COL6A3: variants seen among roughly 807,000 people sequenced by gnomAD.
COL6A3 encodes collagen alpha-3(VI) chain.
Under a neutral mutation model 274.1 loss-of-function variants are expected in COL6A3, and 137 were observed. The ratio of observed to expected loss-of-function variants is 0.50; its 90% CI spans 0.44 to 0.58. The LOEUF is 0.58. COL6A3 is among the 20% of genes least tolerant of loss of function. The pLI is 0.00. For synonymous variants in COL6A3, 1,650 were observed against 1,650.6 expected, an observed-to-expected ratio of 1.00 and a Z score of 0.01; for missense variants, 3,950 against 4,124.9, an observed-to-expected ratio of 0.96 and a Z score of 1.16.
intron 1 of COL6A3, 62 bp from the exon 2 acceptor site, chr2:237,396,909 T>C: frequency 8.7e-7 from 1 of 1,154,502 alleles, no homozygotes; most frequent in Non-Finnish European, 1.3e-6. Context: ...GCAAAATCTC[T>C]CAAAATCCCA....
chr2:237,394,302 A>G (rs1016008637), intron 3 of COL6A3, among the ~76,000 whole-genome samples: 2 of 152,230 alleles, frequency 1.3e-5, no homozygotes, highest in African/African-American at 2.4e-5. Flanking sequence ...TTTTCTAAGG[A>G]AGGCAGAGGT....
chr2:237,348,550 A>G, intron 29 of COL6A3, 63 bp downstream of exon 29: 1 of 1,518,556 alleles, frequency 6.6e-7, no homozygotes, highest in Non-Finnish European at 9.1e-7. Context: ...ACAACACATC[A>G]GAAGTTGTCC....
Position 237,341,268 on chromosome 2 carries a change from G to A in COL6A3, c.7766-118C>T, listed in dbSNP as rs377535052. 5.5e-5 allele frequency: 57 copies of A among 1,042,422 alleles called. 3 individuals are homozygous for A. Among genetic ancestry groups the A allele is most frequent in the East Asian group, 4.2e-4 (17 of 40,080 alleles). The allele number at this position is 1,042,422 out of a possible 1,614,324, so 64.6% of individuals were successfully genotyped here. ...GATCACATAAGATCAAAAGCGGGCC[G>A]GAAGCGGTGGCTCACGCCTGTAATC... On this transcript the variant is annotated intron_variant, in intron 37 of 43. Transcript: ENST00000295550.
In COL6A3 at chr2:237,372,040, C is replaced by T. The variant is rs1367085627; in HGVS notation, c.3977G>A (p.Arg1326Lys). Residue 1326 changes from arginine to lysine, a missense_variant, in exon 9 of 44, where the codon AGG becomes AAG. Physicochemically the swap from Arg to Lys is conservative, Grantham distance 26. Transcript: ENST00000295550. Reference protein sequence around the residue: ...LEYVSRNIFKRPLGSRIEEGV... With the variant: ...LEYVSRNIFKKPLGSRIEEGV... Reference sequence around the variant, plus strand: ...CTCTTCAATGCGGCTCCCCAGGGGCCTCTTGAAGATGTTCCTGGACACGTA... The same window carrying T: ...CTCTTCAATGCGGCTCCCCAGGGGCTTCTTGAAGATGTTCCTGGACACGTA... 6.2e-7 allele frequency: 1 copy of T among 1,614,070 alleles called. No homozygotes were observed. The highest frequency in any genetic ancestry group is 1.1e-5 in the South Asian group (1 of 91,086).
At chr2:237,399,607 C>T (rs1326051328) in intron 1 of COL6A3, among the ~76,000 whole-genome samples, 1 of 152,206 alleles carries the variant, frequency 6.6e-6, no homozygotes, top group East Asian at 1.9e-4. Flanking sequence ...GGAACAGTTA[C>T]AATATACCTT....
chr2:237,391,411 A>G (rs903793617), intron 3 of COL6A3, among the ~76,000 whole-genome samples: 1 of 152,268 alleles, frequency 6.6e-6, no homozygotes. Flanking sequence ...TGTCCATTAC[A>G]TAATGGTTAA....
At chr2:237,357,260 A>G in intron 23 of COL6A3, 78 bp downstream of exon 23, 1 of 1,227,782 alleles carries the variant, frequency 8.1e-7, no homozygotes, top group Admixed American at 1.7e-5. Flanking sequence ...TGGACTAACC[A>G]TGCACCAGGT....
At chr2:237,375,628 C>T (rs184540784) in intron 7 of COL6A3, among the ~76,000 whole-genome samples, 121 of 152,260 alleles carry the variant, frequency 7.9e-4, no homozygotes, top group Non-Finnish European at 1.5e-3. Flanking sequence ...CTGCAACCTC[C>T]GCCTCCCGGG....
chr2:237,406,129 T>C (rs1183740262), intron 1 of COL6A3, among the ~76,000 whole-genome samples: 1 of 152,156 alleles, frequency 6.6e-6, no homozygotes, highest in East Asian at 1.9e-4. Flanking sequence ...AGGATACCTT[T>C]CATCAGAAAG....
rs188480416 is a variant in COL6A3 at position 237,342,617 on chromosome 2, G to C, written c.7669-456C>G. 9.4e-5 allele frequency: 16 copies of C among 170,094 alleles called. No homozygotes were observed. The East Asian group carries it at 1.9e-3, about 20-fold the overall frequency. The allele number at this position is 170,094 out of a possible 1,614,324, so 10.5% of individuals were successfully genotyped here. A position where few individuals can be genotyped will look rare whatever the true frequency, so the allele number is the denominator to read the frequency against. ...AAATCACTCCCAGTGGGTGCAAAGAGTCCTGTCTATCGCCGTACCTGGCAC... is the reference window on the plus strand; with the variant it reads ...AAATCACTCCCAGTGGGTGCAAAGACTCCTGTCTATCGCCGTACCTGGCAC... On this transcript the variant is annotated intron_variant, in intron 36 of 43. Transcript: ENST00000295550.
chr2:237,377,400 A>G, intron 6 of COL6A3, 56 bp from the exon 7 acceptor site: 4 of 1,531,784 alleles, frequency 2.6e-6, no homozygotes, highest in Non-Finnish European at 3.6e-6. Context: ...CAGGAACCAA[A>G]GCGACTTCAG....
chr2:237,374,313 G>T lies in COL6A3; in HGVS notation c.3679+99C>A, dbSNP rs2077772353. The T allele has an allele frequency of 4.5e-6, 7 of 1,547,964 alleles. No homozygotes were observed. The highest frequency in any genetic ancestry group is 5.3e-6 in the Non-Finnish European group (6 of 1,135,264). The stretch of plus-strand genomic sequence containing the variant: ...GTAATTTTAGTTTTCACTTCACATG[G>T]CAGGAAAAGCAAAATTGAGAACACC... On this transcript the variant is annotated intron_variant, in intron 8 of 43. Transcript: ENST00000295550. The surrounding 1 kb of genome is among the most constrained non-coding windows in gnomAD (Gnocchi z 4.8).
In COL6A3 at chr2:237,376,873, G is replaced by A; in HGVS notation, c.2969C>T (p.Pro990Leu). 6.2e-7 allele frequency: 1 copy of A among 1,614,192 alleles called. No homozygotes were observed. The highest frequency in any genetic ancestry group is 1.7e-5 in the Admixed American group (1 of 60,018). The change falls in exon 7 of 44, where the codon CCA becomes CTA. Residue 990 changes from proline to leucine, a missense_variant. This residue lies in a region of COL6A3 where 1,934 missense variants were observed against 1,984.3 expected (regional missense o/e 0.97). Coordinates refer to ENST00000295550, the MANE Select transcript of COL6A3 (RefSeq NM_004369.4). ...PAELEQIVLS[P>L]AFILAAESLP... ...CGACTCTGCAGCCAGGATAAACGCT[G>A]GAGACAGCACGATCTGCTCTAACTC... is the stretch of plus-strand genomic sequence containing the variant.
rs1700369591 is a variant in COL6A3, at chr2:237,333,432, A to G, written c.9328+18T>C. The G allele has an allele frequency of 6.2e-7, 1 of 1,607,212 alleles. No individual in the cohort carries two copies. Among genetic ancestry groups the G allele is most frequent in the Non-Finnish European group, 8.5e-7 (1 of 1,173,856 alleles). Reference sequence around the variant, plus strand: ...TTTTCTTAGTGCCATTAATGGACCTAATAGTTTCACAACTCACCTGTTTCA... The same window carrying G: ...TTTTCTTAGTGCCATTAATGGACCTGATAGTTTCACAACTCACCTGTTTCA... On this transcript the variant is annotated intron_variant, in intron 42 of 43. Coordinates refer to ENST00000295550, the MANE Select transcript of COL6A3 (RefSeq NM_004369.4).
At chr2:237,401,310 T>C (rs1310503560) in intron 1 of COL6A3, among the ~76,000 whole-genome samples, 1 of 152,214 alleles carries the variant, frequency 6.6e-6, no homozygotes, top group South Asian at 2.1e-4. Context: ...TCAGCATTAT[T>C]TGTAATATCC....
Position 237,391,858 on chromosome 2 carries a change from G to A in COL6A3, c.709+2729C>T, listed in dbSNP as rs182121586. 6.6e-5 allele frequency among the ~76,000 whole-genome samples: 10 copies of A among 152,224 alleles called. No individual in the cohort carries two copies. The East Asian group carries it at 7.7e-4, about 12-fold the overall frequency. On this transcript the variant is annotated intron_variant, in intron 3 of 43. Coordinates refer to ENST00000295550, the MANE Select transcript of COL6A3 (RefSeq NM_004369.4). Reference sequence around the variant, plus strand: ...GTCTTTGTTATTATCCCGATATTCCGAAATGTGATGGATCAGGGAATTAAT... The same window carrying A: ...GTCTTTGTTATTATCCCGATATTCCAAAATGTGATGGATCAGGGAATTAAT...
At position 237,407,406 on chromosome 2, in the gene COL6A3, C is replaced by T. The variant is rs1239293599; in HGVS notation, c.-31+6547G>A. Among the ~76,000 whole-genome samples the T allele has an allele frequency of 6.6e-6, 1 of 152,162 alleles. No homozygotes were observed. Among genetic ancestry groups the T allele is most frequent in the African/African-American group, 2.4e-5 (1 of 41,430 alleles). On this transcript the variant is annotated intron_variant, in intron 1 of 43. Coordinates refer to ENST00000295550, the MANE Select transcript of COL6A3 (RefSeq NM_004369.4). The surrounding 1 kb of genome is among the most constrained non-coding windows in gnomAD (Gnocchi z 4.3). ...TATGGAGTAGCGGATTCGAGATCTT[C>T]AACTCTTCCTGGTAAAATCTAACAA...
chr2:237,376,802 T>G lies in COL6A3; in HGVS notation c.3040A>C (p.Lys1014Gln), dbSNP rs114284669. Residue 1014 changes from lysine (K) to glutamine (Q), a missense_variant, in exon 7 of 44, where the codon AAA (lysine) becomes CAA (glutamine). Physicochemically the swap from Lys to Gln is moderately conservative, Grantham distance 53 (BLOSUM62 1). Coordinates refer to ENST00000295550, the MANE Select transcript of COL6A3 (RefSeq NM_004369.4). The stretch of plus-strand genomic sequence containing the variant: ...GCTGGTGCTCCGTTGTGCACTGATT[T>G]TAAGAGATTCACTATCTGTGGATGA... ...DLHPQIVNLL[K>Q]SVHNGAPAPV... 5 of 1,614,086 alleles carry G rather than the reference T, an allele frequency of 3.1e-6. No individual in the cohort carries two copies. The highest frequency in any genetic ancestry group is 2.7e-5 in the African/African-American group (2 of 74,926).
intron 1 of COL6A3, among the ~76,000 whole-genome samples, chr2:237,398,369 A>G (rs1010796017): frequency 6.6e-6 from 1 of 152,178 alleles, no homozygotes; most frequent in African/African-American, 2.4e-5. Flanking sequence ...AGCGTGCGCC[A>G]TCAGACCTTT....
Sources: allele counts gnomAD v4.1 joint callset (sites outside exome capture counted in the v4.1 genomes callset), GRCh38; gene constraint gnomAD v4.1.1; regional missense constraint gnomAD v4.1.1; non-coding constraint Gnocchi (gnomAD v3.1); transcripts MANE v1.5; gene names NCBI Gene and HGNC (gene_info 2026-07-23, HGNC 2026-07-21).